The following CABLES2 variants were observed in gnomAD, a reference collection of about 807,000 sequenced individuals.
CABLES2 encodes Cdk5 and Abl enzyme substrate 2.
CABLES2 carries 35 observed loss-of-function variants against 44.8 expected under a neutral mutation model. That is an observed-to-expected ratio of 0.78 (90% CI 0.60 to 1.04). The LOEUF (loss-of-function observed/expected upper bound fraction) is 1.04. Ranked by LOEUF, CABLES2 falls within the 50% of genes least tolerant of loss-of-function variation. The pLI is 0.00. For missense variants in CABLES2, 566 were observed against 615.7 expected, an observed-to-expected ratio of 0.92 and a Z score of 0.85; for synonymous variants, 282 against 281.1, an observed-to-expected ratio of 1.00 and a Z score of -0.03.
chr20:62,391,862 C>T lies in CABLES2; in HGVS notation c.1092-409G>A, dbSNP rs1447047359. Among the ~76,000 whole-genome samples the T allele has an allele frequency of 1.3e-5, 2 of 152,040 alleles. No homozygotes were observed. The highest frequency in any genetic ancestry group is 2.1e-4 in the South Asian group (1 of 4,810). ...CTGGGGCAGAGGCCGGCAGGGCAGGCCCCCAGTACAGGGCCGTGGCCAGGA... is the reference window on the plus strand; with the variant it reads ...CTGGGGCAGAGGCCGGCAGGGCAGGTCCCCAGTACAGGGCCGTGGCCAGGA... On this transcript the variant is annotated intron_variant, in intron 8 of 9. Transcript: ENST00000279101. The surrounding 1 kb of genome is among the most constrained non-coding windows in gnomAD (Gnocchi z 5.7).
At chr20:62,402,473 C>T (rs2146428846) in intron 1 of CABLES2, 1 of 152,394 alleles carries the variant, frequency 6.6e-6, no homozygotes, top group East Asian at 1.9e-4. Flanking sequence ...AGCCGGGAGC[C>T]TCTGCCGAAT....
chr20:62,393,087 C>G, intron 6 of CABLES2, 64 bp from the exon 7 acceptor site: 1 of 1,443,964 alleles, frequency 6.9e-7, no homozygotes, highest in Non-Finnish European at 9.7e-7. Context: ...GCCCCAAGGC[C>G]TGGCAGGCCA....
In CABLES2 at chr20:62,396,408, C is replaced by T. The variant is rs767753670; in HGVS notation, c.435-1G>A. 2 of 1,613,982 alleles carry T rather than the reference C, an allele frequency of 1.2e-6. No homozygotes were observed. Among genetic ancestry groups the T allele is most frequent in the South Asian group, 1.1e-5 (1 of 91,068 alleles). ...CGGTGATCCAGATGTGTGTTTGGTT[C>T]TGCAAGGCAAAGGACACAGGTCACT... On this transcript the variant is annotated splice_acceptor_variant, in intron 2 of 9. Coordinates refer to ENST00000279101, the MANE Select transcript of CABLES2 (RefSeq NM_031215.3). LOFTEE classifies it high-confidence loss of function. The surrounding 1 kb of genome is among the most constrained non-coding windows in gnomAD (Gnocchi z 5.7).
chr20:62,394,445 G>T (rs1036083884), intron 4 of CABLES2, among the ~76,000 whole-genome samples, 180 bp from the exon 5 acceptor site: 1 of 152,194 alleles, frequency 6.6e-6, no homozygotes, highest in African/African-American at 2.4e-5. Flanking sequence ...TTCATGGAAG[G>T]AGGGGTTTTT....
At chr20:62,393,628 C>T in intron 5 of CABLES2, 23 bp from the exon 6 acceptor site, 4 of 1,550,934 alleles carry the variant, frequency 2.6e-6, no homozygotes, top group Non-Finnish European at 3.5e-6. Flanking sequence ...ATGCATCTGG[C>T]CTCAGCTCTG....
intron 7 of CABLES2, among the ~76,000 whole-genome samples, 190 bp from the exon 8 acceptor site, chr20:62,392,685 G>A (rs1437726277): frequency 1.3e-5 from 2 of 152,210 alleles, no homozygotes; most frequent in Non-Finnish European, 2.9e-5. Context: ...TGCTTGGTGT[G>A]GGGAGAGCCA....
chr20:62,397,924 T>A (rs1364974409), intron 1 of CABLES2, among the ~76,000 whole-genome samples: 3 of 101,308 alleles, frequency 3.0e-5, no homozygotes, highest in African/African-American at 1.8e-4. Flanking sequence ...GCAGTGGTGA[T>A]GGTGGTGGTG....
At chr20:62,392,780 G>T in intron 7 of CABLES2, 140 bp downstream of exon 7, 2 of 782,496 alleles carry the variant, frequency 2.6e-6, no homozygotes, top group Non-Finnish European at 4.2e-6. Context: ...CCTGCACACC[G>T]CCACTGTCTG....
Position 62,396,272 on chromosome 20 carries a change from T to G in CABLES2, c.527+43A>C. 1.3e-6 allele frequency: 2 copies of G among 1,551,352 alleles called. No individual in the cohort carries two copies. Among genetic ancestry groups the G allele is most frequent in the Non-Finnish European group, 1.8e-6 (2 of 1,123,208 alleles). ...ACAGGGGCAGGACCCCGTGGGCTTA[T>G]GGAGACCACAGCCCTGGCCCGGTTC... On this transcript the variant is annotated intron_variant, in intron 3 of 9. Coordinates refer to ENST00000279101, the MANE Select transcript of CABLES2 (RefSeq NM_031215.3). The surrounding 1 kb of genome is among the most constrained non-coding windows in gnomAD (Gnocchi z 5.7).
chr20:62,390,559 AGATCTCCACCCTGACGCT>A lies in CABLES2; in HGVS notation c.*394_*411del. On this transcript the variant is annotated 3_prime_UTR_variant, in exon 10 of 10. Coordinates refer to ENST00000279101, the MANE Select transcript of CABLES2 (RefSeq NM_031215.3). ...TGTGTTCAGTGAGGTCTAGAAACCCAGATCTCCACCCTGACGCTGTGGTGGCTGCGGTGGTTTGCAGAA... is the reference window on the plus strand; with the variant it reads ...TGTGTTCAGTGAGGTCTAGAAACCCAGTGGTGGCTGCGGTGGTTTGCAGAA... The A allele has an allele frequency of 5.0e-6, 1 of 201,570 alleles. No homozygotes were observed. The highest frequency in any genetic ancestry group is 1.1e-4 in the East Asian group (1 of 8,870). The allele number at this position is 201,570 out of a possible 1,614,324, so 12.5% of individuals were successfully genotyped here.
rs1404245950 is a variant in CABLES2 at position 62,391,484 on chromosome 20, G to T, written c.1092-31C>A. 2.5e-6 allele frequency: 4 copies of T among 1,606,586 alleles called. No homozygotes were observed. The highest frequency in any genetic ancestry group is 2.6e-6 in the Non-Finnish European group (3 of 1,174,600). ...GGTTAAGACAGAAGCCATGTCCCTG[G>T]GGGCTCTGGCTGGGGCTGAGGAGGC... On this transcript the variant is annotated intron_variant, in intron 8 of 9. Transcript: ENST00000279101. This position sits in a 1 kb window ranked among gnomAD's most constrained non-coding sequence, Gnocchi z 5.7.
chr20:62,401,011 G>A (rs368067078), intron 1 of CABLES2, among the ~76,000 whole-genome samples: 23 of 152,194 alleles, frequency 1.5e-4, no homozygotes, highest in Admixed American at 1.5e-3. Flanking sequence ...GAGGCAAGGA[G>A]CTGTTTAGCA....
rs879905613 is a variant in CABLES2 at position 62,392,989 on chromosome 20, G to A, written c.915C>T (p.Pro305=). Residue 305 remains proline, a synonymous_variant, in exon 7 of 10, where the codon CCC becomes CCT. Coordinates refer to ENST00000279101, the MANE Select transcript of CABLES2 (RefSeq NM_031215.3). ...SDVGDTLEYN[P]NLLDDPQWPC... Reference sequence around the variant, plus strand: ...GCCACTGCGGGTCATCCAGGAGGTTGGGGTTGTACTCCAGGGTGTCCCCCA... The same window carrying A: ...GCCACTGCGGGTCATCCAGGAGGTTAGGGTTGTACTCCAGGGTGTCCCCCA... The A allele has an allele frequency of 1.2e-6, 2 of 1,614,038 alleles. No individual in the cohort carries two copies. Among genetic ancestry groups the A allele is most frequent in the Non-Finnish European group, 1.7e-6 (2 of 1,180,006 alleles).
intron 1 of CABLES2, among the ~76,000 whole-genome samples, chr20:62,398,225 GTGGTGA>G (rs1988113256): frequency 7.5e-6 from 1 of 132,682 alleles, no homozygotes; most frequent in African/African-American, 3.0e-5. Context: ...GATGGTGGTG[GTGGTGA>G]CGGTGGTGAT....
At chr20:62,398,197 T>TGGTGATGGTGGTGGTGATGAG (rs1988109063) in intron 1 of CABLES2, among the ~76,000 whole-genome samples, 1 of 103,126 alleles carries the variant, frequency 9.7e-6, no homozygotes, top group African/African-American at 3.9e-5. Context: ...ATGGTGATGA[T>TGGTGATGGTGGTGGTGATGAG]GGTGGTGATG....
At chr20:62,400,373 C>T (rs916457031) in intron 1 of CABLES2, among the ~76,000 whole-genome samples, 8 of 152,154 alleles carry the variant, frequency 5.3e-5, no homozygotes, top group Non-Finnish European at 1.0e-4. Context: ...GTGTGGCAGA[C>T]GCCGGCTGTC....
chr20:62,396,219 TGGGAGTGGAG>T lies in CABLES2; in HGVS notation c.527+86_527+95del. On this transcript the variant is annotated intron_variant, in intron 3 of 9. Coordinates refer to ENST00000279101, the MANE Select transcript of CABLES2 (RefSeq NM_031215.3). The surrounding 1 kb of genome is among the most constrained non-coding windows in gnomAD (Gnocchi z 5.7). ...TGGAGTGTGGGGTGGGCGGGAGCTT[TGGGAGTGGAG>T]GGAAGATTGCTTGGCTGACAGGGGC... The T allele has an allele frequency of 9.7e-7, 1 of 1,032,070 alleles. No individual in the cohort carries two copies. The highest frequency in any genetic ancestry group is 1.5e-6 in the Non-Finnish European group (1 of 660,326). 63.9% of individuals were successfully genotyped at this position (1,032,070 alleles called of 1,614,324 possible).
At chr20:62,394,288 G>A (rs763523668) in intron 4 of CABLES2, 23 bp from the exon 5 acceptor site, 6 of 1,598,690 alleles carry the variant, frequency 3.8e-6, no homozygotes, top group Admixed American at 1.7e-5. Flanking sequence ...GAGAGGCAAG[G>A]GGCTGTGGTC....
In CABLES2 at chr20:62,391,027, A is replaced by G. The variant is rs1409632953; in HGVS notation, c.1381T>C (p.Tyr461His). ...TVLVALELAL[Y>H]LPENQVLPHY... ...GGTAACACTTGGTTCTCGGGAAGAT[A>G]CAGGGCCAGCTCCAAGGCCACGAGC... is the stretch of plus-strand genomic sequence containing the variant. The change falls in exon 10 of 10, where the codon TAT becomes CAT. Residue 461 changes from tyrosine to histidine, a missense_variant. Tyr to His is a moderately conservative substitution (Grantham distance 83). This residue lies in a region of CABLES2 where 436 missense variants were observed against 536.3 expected (regional missense o/e 0.81). Transcript: ENST00000279101. The surrounding 1 kb of genome is among the most constrained non-coding windows in gnomAD (Gnocchi z 5.7). The G allele has an allele frequency of 1.9e-6, 3 of 1,614,112 alleles. No homozygotes were observed. In the Admixed American group the frequency reaches 5.0e-5, roughly 27 times the overall value.
Sources: allele counts gnomAD v4.1 joint callset (sites outside exome capture counted in the v4.1 genomes callset), GRCh38; gene constraint gnomAD v4.1.1; regional missense constraint gnomAD v4.1.1; non-coding constraint Gnocchi (gnomAD v3.1); transcripts MANE v1.5; gene names NCBI Gene and HGNC (gene_info 2026-07-23, HGNC 2026-07-21).